The following LIPC variants were observed in gnomAD, a reference collection of about 807,000 sequenced individuals.
LIPC encodes the protein hepatic triacylglycerol lipase.
In LIPC, 44 loss-of-function variants were observed where a neutral mutation model predicts 50.7. The ratio of observed to expected loss-of-function variants is 0.87; its 90% confidence interval spans 0.68 to 1.11. The LOEUF is 1.11. Among genes scored for constraint, LIPC ranks in the 50% most tolerant of loss-of-function variants. LIPC has a pLI of 0.00. For synonymous variants in LIPC, 271 were observed against 256.4 expected, an observed-to-expected ratio of 1.06 and a Z score of -0.54; for missense variants, 697 against 648.2, an observed-to-expected ratio of 1.08 and a Z score of -0.82.
At chr15:58,502,497 A>G (rs1892017958) in intron 1 of LIPC, among the ~76,000 whole-genome samples, 1 of 130,378 alleles carries the variant, frequency 7.7e-6, no homozygotes, top group African/African-American at 2.9e-5. Flanking sequence ...ATTGAATTCC[A>G]TGTAATTTTC....
intron 1 of LIPC, among the ~76,000 whole-genome samples, chr15:58,489,822 C>T (rs1358234578): frequency 6.6e-6 from 1 of 152,120 alleles, no homozygotes; most frequent in East Asian, 1.9e-4. Flanking sequence ...TGGGGAGTGG[C>T]TATTATCCTT....
intron 1 of LIPC, among the ~76,000 whole-genome samples, chr15:58,507,196 T>C (rs1398474759): frequency 1.3e-5 from 2 of 152,148 alleles, no homozygotes; most frequent in East Asian, 3.9e-4. Flanking sequence ...AACAGGGAAA[T>C]AAAATTGGTT....
At chr15:58,468,009 C>A (rs1164184096) in intron 1 of LIPC, among the ~76,000 whole-genome samples, 1 of 152,210 alleles carries the variant, frequency 6.6e-6, no homozygotes, top group Middle Eastern at 3.4e-3. Flanking sequence ...AATAATAGGA[C>A]CCACTTCCTA....
intron 6 of LIPC, among the ~76,000 whole-genome samples, chr15:58,554,772 T>C (rs541979387): frequency 1.3e-5 from 2 of 152,296 alleles, no homozygotes; most frequent in African/African-American, 2.4e-5. Context: ...GAGGAGGAAC[T>C]AGTTCTCAGC....
chr15:58,465,570 G>C (rs1894524431), intron 1 of LIPC, among the ~76,000 whole-genome samples: 2 of 152,264 alleles, frequency 1.3e-5, no homozygotes, highest in South Asian at 4.1e-4. Context: ...GGGCAGAGGT[G>C]AGGTGTAGAT....
intron 1 of LIPC, among the ~76,000 whole-genome samples, chr15:58,488,187 C>T (rs1034798751): frequency 2.0e-5 from 3 of 152,208 alleles, no homozygotes; most frequent in African/African-American, 7.2e-5. Context: ...AGGAGGATGG[C>T]TTGAATCCAA....
chr15:58,433,369 A>G (rs1893186439), intron 1 of LIPC, among the ~76,000 whole-genome samples: 1 of 152,260 alleles, frequency 6.6e-6, no homozygotes, highest in African/African-American at 2.4e-5. Context: ...AAACTGAACC[A>G]GTACCCCAAA....
At chr15:58,503,574 CTG>C (rs1185961089) in intron 1 of LIPC, among the ~76,000 whole-genome samples, 1 of 152,200 alleles carries the variant, frequency 6.6e-6, no homozygotes, top group East Asian at 1.9e-4. Context: ...AGGCAGCACC[CTG>C]TGAGTGTCTC....
chr15:58,568,164 T>C (rs1218389696), intron 8 of LIPC, among the ~76,000 whole-genome samples: 1 of 152,090 alleles, frequency 6.6e-6, no homozygotes, highest in Non-Finnish European at 1.5e-5. Context: ...CCAAAACACA[T>C]AGTAGTGTCC....
intron 8 of LIPC, chr15:58,566,556 C>T (rs115278822): frequency 4.7e-6 from 3 of 637,926 alleles, no homozygotes; most frequent in African/African-American, 4.0e-5. Flanking sequence ...CTCGTAATAT[C>T]GCTGCTAAGT....
intron 8 of LIPC, among the ~76,000 whole-genome samples, chr15:58,567,348 T>C (rs2414604): frequency 0.59 from 46,924 of 79,476 alleles, 10,868 homozygotes; most frequent in Non-Finnish European, 0.65. Flanking sequence ...TGTATATGTA[T>C]ATATATATAT....
intron 1 of LIPC, among the ~76,000 whole-genome samples, chr15:58,489,219 G>GGGGGGGGGGGGGGT (rs1555400834): frequency 1.5e-5 from 1 of 66,084 alleles, no homozygotes; most frequent in African/African-American, 6.3e-5. Flanking sequence ...TTTTGTTGCG[G>GGGGGGGGGGGGGGT]GGGCGGGGGG....
At chr15:58,433,401 A>T (rs77617573) in intron 1 of LIPC, among the ~76,000 whole-genome samples, 1 of 152,328 alleles carries the variant, frequency 6.6e-6, no homozygotes, top group Non-Finnish European at 1.5e-5. Context: ...GTGCCCCTTG[A>T]GCCTTAACAT....
rs752078494 is a variant in LIPC, at chr15:58,545,854, C to T, written c.687C>T (p.Gly229=). 3.1e-6 allele frequency: 5 copies of T among 1,614,004 alleles called. No homozygotes were observed. The highest frequency in any genetic ancestry group is 4.2e-6 in the Non-Finnish European group (5 of 1,180,000). Residue 229 remains glycine (G), a synonymous_variant, in exon 5 of 9, where the codon GGC becomes GGT. Coordinates refer to ENST00000299022, the MANE Select transcript of LIPC (RefSeq NM_000236.3). ...ATACCTTTACCCGGGAGCACATGGG[C>T]CTGAGCGTGGGCATCAAACAGCCCA... ...AIHTFTREHM[G]LSVGIKQPIG... is the part of the protein sequence containing the mutation.
chr15:58,543,890 G>T (rs555628482), intron 4 of LIPC, among the ~76,000 whole-genome samples: 1 of 152,160 alleles, frequency 6.6e-6, no homozygotes, highest in Admixed American at 6.5e-5. Context: ...CAAAGTGCTG[G>T]GATTACAGAC....
At chr15:58,544,236 C>T (rs1215920993) in intron 4 of LIPC, among the ~76,000 whole-genome samples, 4 of 152,158 alleles carry the variant, frequency 2.6e-5, no homozygotes, top group Admixed American at 6.5e-5. Flanking sequence ...GCCCAGAACC[C>T]TCTCCATCCA....
At chr15:58,445,001 C>A (rs1378942684) in intron 1 of LIPC, among the ~76,000 whole-genome samples, 2 of 152,204 alleles carry the variant, frequency 1.3e-5, no homozygotes, top group Admixed American at 6.5e-5. Flanking sequence ...TAAGTCCACA[C>A]CAGGCCCAGA....
intron 1 of LIPC, among the ~76,000 whole-genome samples, chr15:58,534,525 G>A (rs886724561): frequency 9.9e-5 from 15 of 152,172 alleles, no homozygotes; most frequent in African/African-American, 3.6e-4. Context: ...TGACTTAAAC[G>A]CTATTTGGTG....
chr15:58,449,803 G>A (rs1364172547), intron 1 of LIPC, among the ~76,000 whole-genome samples: 2 of 152,204 alleles, frequency 1.3e-5, no homozygotes, highest in African/African-American at 2.4e-5. Flanking sequence ...GACTCCCAAA[G>A]TGTTGGGATT....
Sources: allele counts gnomAD v4.1 joint callset (sites outside exome capture counted in the v4.1 genomes callset), GRCh38; gene constraint gnomAD v4.1.1; transcripts MANE v1.5; gene names NCBI Gene and HGNC (gene_info 2026-07-23, HGNC 2026-07-21).